Variants in SARNP observed in about 807,000 individuals in gnomAD.
SARNP encodes SAP domain-containing ribonucleoprotein.
A neutral mutation model predicts 38.1 loss-of-function variants in SARNP; 5 were observed. The observed-to-expected ratio is 0.13, with a 90% CI of 0.07 to 0.28. The LOEUF is 0.28. Among genes scored for constraint, SARNP ranks in the 10% least tolerant of loss-of-function variants. The pLI, the probability that SARNP is intolerant of heterozygous loss-of-function variation, is 1.00. For synonymous variants in SARNP, 84 were observed against 80.6 expected (o/e 1.04, Z -0.23); for missense variants, 180 against 243.9 (o/e 0.74, Z 1.75).
chr12:55,752,865 A>G (rs1457481967), downstream of SARNP: 1 of 152,204 alleles, frequency 6.6e-6, no homozygotes, highest in Non-Finnish European at 1.5e-5. Context: ...AAAAGCGGTC[A>G]AAGAGTTTAG....
chr12:55,809,005 G>C (rs1378371409), intron 1 of SARNP, among the ~76,000 whole-genome samples: 1 of 151,994 alleles, frequency 6.6e-6, no homozygotes, highest in Non-Finnish European at 1.5e-5. Context: ...CCAGGAGTTC[G>C]AGACCAGCCT....
intron 9 of SARNP, among the ~76,000 whole-genome samples, chr12:55,774,568 A>C (rs1311189079): frequency 1.2e-4 from 10 of 81,630 alleles, no homozygotes; most frequent in African/African-American, 6.1e-4. Context: ...TGAAAAAAAA[A>C]AAAAAACAAA....
At chr12:55,812,376 T>G (rs949332434) in intron 1 of SARNP, among the ~76,000 whole-genome samples, 2 of 152,266 alleles carry the variant, frequency 1.3e-5, no homozygotes, top group African/African-American at 4.8e-5. Flanking sequence ...CTTTTTATTT[T>G]GCCTTCCCTC....
chr12:55,799,696 G>A (rs1879923910), intron 4 of SARNP, among the ~76,000 whole-genome samples: 1 of 150,056 alleles, frequency 6.7e-6, no homozygotes, highest in South Asian at 2.1e-4. Context: ...TGGAATTACA[G>A]GTGCCCTCCA....
rs1174332130 is a variant in SARNP, at chr12:55,774,561, A to G, written c.502-13921T>C. On this transcript the variant is annotated intron_variant, in intron 9 of 10. Coordinates refer to ENST00000336133, the MANE Select transcript of SARNP (RefSeq NM_033082.4). ...CACGGTGAAACCCCGTCTCTACTGA[A>G]AAAAAAAAAAAAACAAACAAAAAAA... is the stretch of plus-strand genomic sequence containing the variant. 6.8e-4 allele frequency among the ~76,000 whole-genome samples: 4 copies of G among 5,908 alleles called. No individual in the cohort carries two copies. In the Non-Finnish European group the frequency reaches 0.012, roughly 18 times the overall value. 3.9% of individuals were successfully genotyped at this position (5,908 alleles called of 152,430 possible).
chr12:55,752,743 C>T (rs569659606), downstream of SARNP: 4 of 152,188 alleles, frequency 2.6e-5, no homozygotes, highest in African/African-American at 9.6e-5. Flanking sequence ...TGCAAAAAGG[C>T]CATCAGGCAG....
intron 1 of SARNP, among the ~76,000 whole-genome samples, chr12:55,811,385 C>T (rs951637313): frequency 6.6e-6 from 1 of 152,150 alleles, no homozygotes; most frequent in African/African-American, 2.4e-5. Flanking sequence ...CGGGTAGACT[C>T]TGTCTCTACA....
downstream of SARNP, chr12:55,756,197 A>C (rs1427804425): frequency 6.6e-6 from 1 of 152,216 alleles, no homozygotes; most frequent in East Asian, 1.9e-4. Context: ...AGGTCATTCC[A>C]ATTTTAAGGT....
At chr12:55,785,769 C>G (rs1444950601) in intron 9 of SARNP, among the ~76,000 whole-genome samples, 2 of 149,860 alleles carry the variant, frequency 1.3e-5, no homozygotes, top group African/African-American at 4.9e-5. Context: ...GAACAAAACC[C>G]TGTCTCAGAC....
At chr12:55,806,343 C>T (rs1047806092) in intron 1 of SARNP, among the ~76,000 whole-genome samples, 9 of 150,586 alleles carry the variant, frequency 6.0e-5, no homozygotes, top group Non-Finnish European at 1.0e-4. Context: ...GGCATGATCT[C>T]GGCTCACTGC....
intron 9 of SARNP, among the ~76,000 whole-genome samples, chr12:55,783,584 G>T (rs898768145): frequency 6.6e-6 from 1 of 152,092 alleles, no homozygotes; most frequent in African/African-American, 2.4e-5. Context: ...GGGGAGGCTG[G>T]GGGGAGGTGG....
At chr12:55,808,852 C>A (rs1010879972) in intron 1 of SARNP, among the ~76,000 whole-genome samples, 1 of 152,182 alleles carries the variant, frequency 6.6e-6, no homozygotes, top group African/African-American at 2.4e-5. Flanking sequence ...AGCACAATTA[C>A]ATTAGCAGAA....
chr12:55,810,145 C>T (rs965598517), intron 1 of SARNP, among the ~76,000 whole-genome samples: 1 of 151,952 alleles, frequency 6.6e-6, no homozygotes, highest in East Asian at 1.9e-4. Flanking sequence ...CAGGGTTTTG[C>T]TCTGTTGCCC....
intron 4 of SARNP, among the ~76,000 whole-genome samples, chr12:55,796,815 T>TA (rs1351581315): frequency 6.6e-6 from 1 of 152,180 alleles, no homozygotes; most frequent in Admixed American, 6.5e-5. Context: ...TTCCTTCTTT[T>TA]AAAAATCCCT....
Position 55,794,840 on chromosome 12 carries a change from C to T in SARNP, c.344G>A (p.Ser115Asn). ...KRAERFNVPVSLESKKAARAA... is the reference protein window; with the variant it reads ...KRAERFNVPVNLESKKAARAA... ...CCGAGCAGCTTTCTTACTCTCCAAG[C>T]TCACAGGTACATTGAATCGTTCAGC... Residue 115 changes from serine (S) to asparagine (N), a missense_variant, in exon 6 of 11, where the codon AGC (serine) becomes AAC (asparagine). Physicochemically the swap from Ser to Asn is conservative, Grantham distance 46 (BLOSUM62 1). Coordinates refer to ENST00000336133, the MANE Select transcript of SARNP (RefSeq NM_033082.4). 4 of 1,612,432 alleles carry T rather than the reference C, an allele frequency of 2.5e-6. No individual in the cohort carries two copies. Among genetic ancestry groups the T allele is most frequent in the Non-Finnish European group, 3.4e-6 (4 of 1,179,112 alleles).
chr12:55,761,571 TGA>T (rs760008994), intron 9 of SARNP: 1 of 152,222 alleles, frequency 6.6e-6, no homozygotes, highest in Non-Finnish European at 1.5e-5. Flanking sequence ...TGCCTGGGAA[TGA>T]GAGAATATTT....
At chr12:55,759,833 G>A (rs1236175193) in intron 10 of SARNP, among the ~76,000 whole-genome samples, 2 of 152,046 alleles carry the variant, frequency 1.3e-5, no homozygotes, top group Non-Finnish European at 2.9e-5. Flanking sequence ...GACCTCCTGG[G>A]CTTAAGTGAT....
At chr12:55,775,077 T>A (rs1297289240) in intron 9 of SARNP, among the ~76,000 whole-genome samples, 2 of 150,374 alleles carry the variant, frequency 1.3e-5, no homozygotes, top group Admixed American at 1.3e-4. Context: ...TTAGTAGAGA[T>A]GGGGTTTCAC....
chr12:55,805,664 C>T (rs1470775388), intron 1 of SARNP, among the ~76,000 whole-genome samples: 4 of 152,044 alleles, frequency 2.6e-5, no homozygotes, highest in African/African-American at 4.8e-5. Context: ...CTGGCCAACA[C>T]GGTGAAACCC....
Sources: gnomAD v4.1 joint callset for allele counts (sites outside exome capture counted in the v4.1 genomes callset) on GRCh38, gnomAD v4.1.1 for gene constraint, MANE v1.5 for transcripts, NCBI Gene and HGNC (gene_info 2026-07-23, HGNC 2026-07-21) for gene names.